Variants in STPG2 observed in about 807,000 individuals in gnomAD.
STPG2 encodes sperm-tail PG-rich repeat-containing protein 2.
Under a neutral mutation model 54.2 loss-of-function variants are expected in STPG2, and 56 were observed. The ratio of observed to expected loss-of-function variants is 1.03; its 90% CI spans 0.83 to 1.29. The LOEUF (loss-of-function observed/expected upper bound fraction) is 1.29, where lower values mean the gene tolerates loss of function less well. Among genes scored for constraint, STPG2 ranks in the 50% most tolerant of loss-of-function variants. STPG2 has a pLI of 0.00. For missense variants in STPG2, 596 were observed against 544.9 expected, an observed-to-expected ratio of 1.09 and a Z score of -0.93; for synonymous variants, 200 against 181.8, an observed-to-expected ratio of 1.10 and a Z score of -0.81.
intron 10 of STPG2, among the ~76,000 whole-genome samples, chr4:97,679,360 A>G (rs1175931286): frequency 6.6e-6 from 1 of 151,816 alleles, no homozygotes; most frequent in African/African-American, 2.4e-5. Flanking sequence ...TTTGATTTGC[A>G]TTTCTCTGAT....
chr4:97,587,113 T>C (rs1314192073), intron 10 of STPG2, among the ~76,000 whole-genome samples: 1 of 151,960 alleles, frequency 6.6e-6, no homozygotes, highest in Non-Finnish European at 1.5e-5. Context: ...TCTTAATATG[T>C]CCATTGTATT....
Position 98,062,468 on chromosome 4 carries a change from A to C in STPG2, c.612+43485T>G, listed in dbSNP as rs1412355711. On this transcript the variant is annotated intron_variant, in intron 5 of 10. Coordinates refer to ENST00000295268, the MANE Select transcript of STPG2 (RefSeq NM_174952.3). ...TAAAATAAAAGTTGTATAAAAAAAC[A>C]AAAAAACTTGTATTTGGAATAAAGA... 4.6e-5 allele frequency among the ~76,000 whole-genome samples: 7 copies of C among 152,182 alleles called. No homozygotes were observed. The East Asian group carries it at 1.2e-3, about 25-fold the overall frequency.
At chr4:97,566,378 C>T (rs888847692) in intron 10 of STPG2, among the ~76,000 whole-genome samples, 6 of 152,194 alleles carry the variant, frequency 3.9e-5, no homozygotes, top group South Asian at 2.1e-4. Context: ...TCCCTGTCCC[C>T]TTGCGCTTCC....
intron 10 of STPG2, among the ~76,000 whole-genome samples, chr4:97,675,453 A>T (rs1331820840): frequency 6.6e-6 from 1 of 152,154 alleles, no homozygotes; most frequent in Non-Finnish European, 1.5e-5. Context: ...GCAAAGTCCA[A>T]AAGGAAAAGA....
chr4:97,830,582 AATGG>A (rs1728422576), intron 9 of STPG2, among the ~76,000 whole-genome samples: 1 of 152,168 alleles, frequency 6.6e-6, no homozygotes, highest in Non-Finnish European at 1.5e-5. Context: ...AGACTGGAAA[AATGG>A]ATAAAGAGTC....
downstream of STPG2, among the ~76,000 whole-genome samples, chr4:97,558,670 G>A (rs1732141611): frequency 6.6e-6 from 1 of 152,092 alleles, no homozygotes; most frequent in Non-Finnish European, 1.5e-5. Flanking sequence ...TCCTTTCCCC[G>A]CCAAACCTCC....
intron 5 of STPG2, among the ~76,000 whole-genome samples, chr4:98,064,319 A>G (rs1737756855): frequency 6.6e-6 from 1 of 152,314 alleles, no homozygotes; most frequent in East Asian, 1.9e-4. Flanking sequence ...TGTTATCGCT[A>G]CTACAGACTA....
chr4:97,624,189 T>C (rs966190139), intron 10 of STPG2, among the ~76,000 whole-genome samples: 1 of 152,272 alleles, frequency 6.6e-6, no homozygotes, highest in Admixed American at 6.5e-5. Context: ...GTATTTCTGG[T>C]TCTAGGTCTT....
At chr4:97,676,107 A>G (rs1008446577) in intron 10 of STPG2, among the ~76,000 whole-genome samples, 7 of 146,482 alleles carry the variant, frequency 4.8e-5, no homozygotes, top group African/African-American at 1.7e-4. Context: ...TATACTATAT[A>G]TATGTAGTGT....
chr4:98,103,677 A>T (rs1739110869), intron 5 of STPG2, among the ~76,000 whole-genome samples: 1 of 151,852 alleles, frequency 6.6e-6, no homozygotes, highest in Admixed American at 6.6e-5. Flanking sequence ...AATAAATAAA[A>T]ATAAAAATAT....
chr4:97,846,562 T>C (rs1578616337), intron 8 of STPG2, among the ~76,000 whole-genome samples: 2 of 145,650 alleles, frequency 1.4e-5, no homozygotes, highest in Admixed American at 7.1e-5. Flanking sequence ...GAGGCAGAGG[T>C]TGCAGTGAGC....
intron 9 of STPG2, among the ~76,000 whole-genome samples, chr4:97,727,356 A>G (rs2149022766): frequency 6.6e-6 from 1 of 152,010 alleles, no homozygotes; most frequent in East Asian, 1.9e-4. Flanking sequence ...GATTATCCAT[A>G]CCTAATTTTC....
At chr4:98,011,994 T>C (rs1014123464) in intron 5 of STPG2, among the ~76,000 whole-genome samples, 2 of 152,330 alleles carry the variant, frequency 1.3e-5, no homozygotes, top group Non-Finnish European at 2.9e-5. Context: ...TTTGTTTCAA[T>C]TGCTTTTGGC....
chr4:97,904,339 G>A (rs369244812), intron 8 of STPG2, among the ~76,000 whole-genome samples: 1 of 152,210 alleles, frequency 6.6e-6, no homozygotes, highest in East Asian at 1.9e-4. Flanking sequence ...AGCAGGGGCA[G>A]ACTGACACCT....
chr4:98,006,191 C>G (rs1365088222), intron 5 of STPG2, among the ~76,000 whole-genome samples: 1 of 152,092 alleles, frequency 6.6e-6, no homozygotes, highest in Non-Finnish European at 1.5e-5. Flanking sequence ...CTTTACATCA[C>G]GGGGAAGAGA....
intron 5 of STPG2, among the ~76,000 whole-genome samples, chr4:98,016,802 G>A (rs1735960531): frequency 6.6e-6 from 1 of 152,064 alleles, no homozygotes; most frequent in African/African-American, 2.4e-5. Flanking sequence ...TATTCTTTTA[G>A]TGGTATGACT....
chr4:97,562,996 G>A (rs1185236652), intron 10 of STPG2, among the ~76,000 whole-genome samples: 1 of 152,138 alleles, frequency 6.6e-6, no homozygotes, highest in Non-Finnish European at 1.5e-5. Flanking sequence ...TCTATTGATA[G>A]GAATAGTTTC....
At chr4:97,707,615 T>C (rs901524648) in intron 10 of STPG2, among the ~76,000 whole-genome samples, 1 of 152,076 alleles carries the variant, frequency 6.6e-6, no homozygotes, top group Non-Finnish European at 1.5e-5. Context: ...AAGAGTTACC[T>C]ATGAGAGTAT....
chr4:98,067,779 C>T (rs1737878047), intron 5 of STPG2, among the ~76,000 whole-genome samples: 1 of 152,094 alleles, frequency 6.6e-6, no homozygotes, highest in Non-Finnish European at 1.5e-5. Flanking sequence ...TTCTGATAAA[C>T]ATGTATCTTT....
Sources: allele counts gnomAD v4.1 joint callset (sites outside exome capture counted in the v4.1 genomes callset), GRCh38; gene constraint gnomAD v4.1.1; transcripts MANE v1.5; gene names NCBI Gene and HGNC (gene_info 2026-07-23, HGNC 2026-07-21).